The following ARSF variants were observed in gnomAD, a reference collection of about 807,000 sequenced individuals.
ARSF encodes the protein arylsulfatase F.
A neutral mutation model predicts 35.4 loss-of-function variants in ARSF; 33 were observed. That is an observed-to-expected ratio of 0.93 (90% CI 0.71 to 1.25). The LOEUF (loss-of-function observed/expected upper bound fraction) is 1.25. Among genes scored for constraint, ARSF ranks in the 50% most tolerant of loss-of-function variants. The probability of loss-of-function intolerance (pLI) is 0.00; values close to 1 mark genes in which losing one functional copy is unlikely to be tolerated. For missense variants in ARSF, 501 were observed against 480.2 expected, an observed-to-expected ratio of 1.04 and a Z score of -0.40; for synonymous variants, 222 against 193.1, an observed-to-expected ratio of 1.15 and a Z score of -1.24.
intron 1 of ARSF, among the ~76,000 whole-genome samples, chrX:3,059,765 A>T (rs1162490887): frequency 8.9e-6 from 1 of 112,723 alleles, no homozygotes; most frequent in Non-Finnish European, 1.9e-5. Context: ...AGGCTTGAGT[A>T]GGTAAACAAT....
chrX:3,074,793 A>G (rs2090134060), intron 3 of ARSF, among the ~76,000 whole-genome samples: 1 of 111,225 alleles, frequency 9.0e-6, no homozygotes, highest in African/African-American at 3.3e-5. Flanking sequence ...AATAAATCAA[A>G]TAGAGGATTT....
chrX:3,081,724 A>G (rs1403521581), intron 5 of ARSF, among the ~76,000 whole-genome samples: 2 of 111,260 alleles, frequency 1.8e-5, no homozygotes, highest in African/African-American at 6.5e-5. Flanking sequence ...GCCTGCCCGC[A>G]TAGTCTCTCA....
At chrX:3,084,831 T>C (rs2090235338) in intron 6 of ARSF, among the ~76,000 whole-genome samples, 165 bp downstream of exon 6, 1 of 111,313 alleles carries the variant, frequency 9.0e-6, no homozygotes, top group African/African-American at 3.3e-5. Context: ...AAAAGACAAA[T>C]ATTTAAGGTG....
chrX:3,049,818 C>A (rs933847332), intron 1 of ARSF, among the ~76,000 whole-genome samples: 34 of 110,837 alleles, frequency 3.1e-4, no homozygotes, highest in Non-Finnish European at 4.3e-4. Flanking sequence ...AGGGCTCATG[C>A]CAGAAGGGTG....
intron 4 of ARSF, among the ~76,000 whole-genome samples, chrX:3,079,207 T>C (rs1326190708): frequency 2.7e-5 from 3 of 111,698 alleles, no homozygotes; most frequent in Non-Finnish European, 5.6e-5. Context: ...TGTTTAGTGA[T>C]TGTGAGGAAT....
At chrX:3,072,230 C>G in intron 3 of ARSF, 55 bp downstream of exon 3, 1 of 1,156,400 alleles carries the variant, frequency 8.6e-7, no homozygotes, top group East Asian at 3.0e-5. Context: ...GTTCAGCAGG[C>G]TGGCTGTACG....
intron 2 of ARSF, among the ~76,000 whole-genome samples, chrX:3,068,795 A>G (rs984480909): frequency 1.2e-4 from 13 of 111,946 alleles, no homozygotes; most frequent in African/African-American, 3.6e-4. Flanking sequence ...GCATAGATGA[A>G]AAGCATTTCT....
At chrX:3,041,764 C>T (rs1378491742) in intron 1 of ARSF, 101 bp downstream of exon 1, 2 of 112,321 alleles carry the variant, frequency 1.8e-5, no homozygotes, top group Non-Finnish European at 3.7e-5. Flanking sequence ...TGTACATGCA[C>T]ATATGTGTGC....
At chrX:3,066,786 C>T (rs1041978385) in intron 1 of ARSF, 2 of 110,480 alleles carry the variant, frequency 1.8e-5, no homozygotes, top group African/African-American at 6.6e-5. Context: ...CGTAATGATT[C>T]GAGGCAGCTG....
At chrX:3,111,958 T>C (rs1278575321) in intron 10 of ARSF, among the ~76,000 whole-genome samples, 1 of 110,940 alleles carries the variant, frequency 9.0e-6, no homozygotes, top group Non-Finnish European at 1.9e-5. Flanking sequence ...CAGGCAATAA[T>C]GCCAACGATA....
chrX:3,099,196 G>A (rs968946690), intron 7 of ARSF, among the ~76,000 whole-genome samples: 2 of 111,588 alleles, frequency 1.8e-5, no homozygotes, highest in South Asian at 3.7e-4. Context: ...TCATCACTGC[G>A]AATCATCAAA....
intron 1 of ARSF, among the ~76,000 whole-genome samples, chrX:3,052,133 G>A (rs144599217): frequency 5.4e-5 from 6 of 111,619 alleles, no homozygotes; most frequent in Non-Finnish European, 9.4e-5. Context: ...TTCCAGTGGC[G>A]TCCTTATAAA....
At chrX:3,084,092 C>T (rs2090225771) in intron 5 of ARSF, 151 bp from the exon 6 acceptor site, 3 of 718,146 alleles carry the variant, frequency 4.2e-6, no homozygotes, top group Non-Finnish European at 6.0e-6. Context: ...AAGTGGCACT[C>T]GGATTTTTTA....
intron 1 of ARSF, among the ~76,000 whole-genome samples, chrX:3,061,284 C>T (rs942977115): frequency 1.8e-5 from 2 of 111,310 alleles, no homozygotes; most frequent in African/African-American, 6.5e-5. Flanking sequence ...GCCTGCCCTA[C>T]GAGAGCTCCT....
intron 9 of ARSF, among the ~76,000 whole-genome samples, chrX:3,105,557 C>A (rs1405413915): frequency 9.0e-6 from 1 of 111,731 alleles, no homozygotes; most frequent in African/African-American, 3.3e-5. Context: ...CTCTGCCTCC[C>A]GGGTTCAAGT....
At chrX:3,063,940 T>C (rs190458701) in intron 1 of ARSF, among the ~76,000 whole-genome samples, 1 of 111,872 alleles carries the variant, frequency 8.9e-6, no homozygotes, top group Non-Finnish European at 1.9e-5. Context: ...CTTCACAGAA[T>C]TGGGAAAAAC....
chrX:3,077,308 G>T (rs1462140799), intron 4 of ARSF, among the ~76,000 whole-genome samples: 1 of 112,194 alleles, frequency 8.9e-6, no homozygotes, highest in Non-Finnish European at 1.9e-5. Flanking sequence ...TACACATTCA[G>T]TCTGTCACCA....
chrX:3,080,792 C>G, intron 4 of ARSF, 99 bp from the exon 5 acceptor site: 2 of 1,034,881 alleles, frequency 1.9e-6, no homozygotes, highest in East Asian at 6.4e-5. Context: ...TAACCATTAC[C>G]TTGCAGATGA....
Position 3,108,845 on chromosome X carries a change from C to T in ARSF, c.1266-1283C>T, listed in dbSNP as rs1401971183. Among the ~76,000 whole-genome samples, 43 of 110,977 alleles carry T rather than the reference C, an allele frequency of 3.9e-4. No homozygotes were observed. The Admixed American group carries it at 4.1e-3, about 11-fold the overall frequency. ...CAGCCTGACCAACATGGTGAAACCC[C>T]GTCTCTACTGAAAATACAAAATTAG... On this transcript the variant is annotated intron_variant, in intron 9 of 10. Coordinates refer to ENST00000381127, the MANE Select transcript of ARSF (RefSeq NM_001201539.2).
Sources: gnomAD v4.1 joint callset for allele counts (sites outside exome capture counted in the v4.1 genomes callset) on GRCh38, gnomAD v4.1.1 for gene constraint, MANE v1.5 for transcripts, NCBI Gene and HGNC (gene_info 2026-07-23, HGNC 2026-07-21) for gene names.